The following NCLN variants were observed in gnomAD, a reference collection of about 807,000 sequenced individuals.
NCLN encodes BOS complex subunit NCLN.
Under a neutral mutation model 69.5 loss-of-function variants are expected in NCLN, and 34 were observed. That is an observed-to-expected ratio of 0.49 (90% CI 0.37 to 0.65). The LOEUF (loss-of-function observed/expected upper bound fraction) is 0.65, where lower values mean the gene tolerates loss of function less well. NCLN is among the 30% of genes least tolerant of loss of function. The pLI, the probability that NCLN is intolerant of heterozygous loss-of-function variation, is 0.00. For missense variants in NCLN, 710 were observed against 804.8 expected (o/e 0.88, Z 1.42); for synonymous variants, 393 against 358.3 (o/e 1.10, Z -1.09).
intron 5 of NCLN, among the ~76,000 whole-genome samples, chr19:3,201,060 C>T (rs993820147): frequency 1.3e-5 from 2 of 152,212 alleles, no homozygotes; most frequent in African/African-American, 2.4e-5. Context: ...GCGGGAAGGG[C>T]ATGTGGTCGG....
intron 4 of NCLN, among the ~76,000 whole-genome samples, chr19:3,196,860 C>T (rs1352950139): frequency 6.6e-6 from 1 of 152,238 alleles, no homozygotes; most frequent in Non-Finnish European, 1.5e-5. Flanking sequence ...CTAGCATTTC[C>T]CTGCGGGACG....
chr19:3,191,344 G>A (rs1205186896), intron 1 of NCLN, among the ~76,000 whole-genome samples: 1 of 152,176 alleles, frequency 6.6e-6, no homozygotes, highest in African/African-American at 2.4e-5. Flanking sequence ...CACCGCAGAA[G>A]TGAATAAGCC....
chr19:3,192,563 C>A lies in NCLN; in HGVS notation c.278C>A (p.Ser93Tyr). The change falls in exon 2 of 15, where the codon TCC becomes TAC. Residue 93 changes from serine (S) to tyrosine (Y), a missense_variant. By Grantham distance (144) the Ser-to-Tyr change is moderately radical (BLOSUM62 -2). Transcript: ENST00000246117. Reference protein sequence around the residue: ...RCVLMRLLDFSYEQYQKALRQ... With the variant: ...RCVLMRLLDFYYEQYQKALRQ... ...GTGCTCATGCGGCTACTGGACTTCT[C>A]CTACGAGCAGTACCAGAAGGCCCTG... 6.2e-7 allele frequency: 1 copy of A among 1,610,202 alleles called. No homozygotes were observed. Among genetic ancestry groups the A allele is most frequent in the Non-Finnish European group, 8.5e-7 (1 of 1,178,720 alleles).
rs1916250854 is a variant in NCLN at position 3,205,833 on chromosome 19, C to T, written c.1209-106C>T. 9 of 911,746 alleles carry T rather than the reference C, an allele frequency of 9.9e-6. No individual in the cohort carries two copies. Among genetic ancestry groups the T allele is most frequent in the Admixed American group, 2.3e-5 (1 of 43,828 alleles). 56.5% of individuals were successfully genotyped at this position (911,746 alleles called of 1,614,324 possible). On this transcript the variant is annotated intron_variant, in intron 9 of 14. Coordinates refer to ENST00000246117, the MANE Select transcript of NCLN (RefSeq NM_020170.4). This position sits in a 1 kb window ranked among gnomAD's most constrained non-coding sequence, Gnocchi z 4.6. ...CTTAATTTTTTTTTTTTTTTAAAGACAGAGTCTCACGGTCTCCTAGGCTGG... is the reference window on the plus strand; with the variant it reads ...CTTAATTTTTTTTTTTTTTTAAAGATAGAGTCTCACGGTCTCCTAGGCTGG...
Position 3,198,671 on chromosome 19 carries a change from A to G in NCLN, c.616-146A>G, listed in dbSNP as rs1195053838. Reference sequence around the variant, plus strand: ...GGGGCTCCCAGAGTCAGAGGCTGGCACCTCCTGTGGTCCTCAGTGCTGAGG... The same window carrying G: ...GGGGCTCCCAGAGTCAGAGGCTGGCGCCTCCTGTGGTCCTCAGTGCTGAGG... On this transcript the variant is annotated intron_variant, in intron 4 of 14. Transcript: ENST00000246117. 10 of 518,456 alleles carry G rather than the reference A, an allele frequency of 1.9e-5. No individual in the cohort carries two copies. In the East Asian group the frequency reaches 3.0e-4, roughly 16 times the overall value. 32.1% of individuals were successfully genotyped at this position (518,456 alleles called of 1,614,324 possible). A position where few individuals can be genotyped will look rare whatever the true frequency, so the allele number is the denominator to read the frequency against.
chr19:3,200,455 C>A (rs1439768513), intron 5 of NCLN, among the ~76,000 whole-genome samples: 2 of 151,498 alleles, frequency 1.3e-5, no homozygotes, highest in Non-Finnish European at 2.9e-5. Flanking sequence ...GGACTACAGG[C>A]GCGTGCCACC....
At chr19:3,192,059 G>A (rs1276611758) in intron 1 of NCLN, among the ~76,000 whole-genome samples, 1 of 152,194 alleles carries the variant, frequency 6.6e-6, no homozygotes, top group South Asian at 2.1e-4. Context: ...ATGGTGGTGG[G>A]TGCCGGTAAT....
Position 3,204,770 on chromosome 19 carries a change from GC to G in NCLN, c.1208+22del. On this transcript the variant is annotated intron_variant, in intron 9 of 14. Transcript: ENST00000246117. ...ACGTGCGGTGAGCGCGGCAGCACCT[GC>G]CCGGCCCCTCCTAGGGCTTTCCTGG... 1.4e-6 allele frequency: 2 copies of G among 1,451,380 alleles called. No homozygotes were observed. Among genetic ancestry groups the G allele is most frequent in the Non-Finnish European group, 1.8e-6 (2 of 1,102,178 alleles). 89.9% of individuals were successfully genotyped at this position (1,451,380 alleles called of 1,614,324 possible). A position where few individuals can be genotyped will look rare whatever the true frequency, so the allele number is the denominator to read the frequency against.
intron 5 of NCLN, among the ~76,000 whole-genome samples, chr19:3,200,446 G>A (rs1916097120): frequency 6.6e-6 from 1 of 151,236 alleles, no homozygotes; most frequent in Admixed American, 6.6e-5. Context: ...GAGTAGCTGG[G>A]ACTACAGGCG....
At chr19:3,199,119 G>C (rs1378670576) in intron 5 of NCLN, among the ~76,000 whole-genome samples, 5 of 152,202 alleles carry the variant, frequency 3.3e-5, no homozygotes, top group Non-Finnish European at 5.9e-5. Context: ...TCCAGGGCAC[G>C]GCGGTGTCTG....
At chr19:3,196,489 C>T (rs776320101) in intron 4 of NCLN, among the ~76,000 whole-genome samples, 29 of 152,104 alleles carry the variant, frequency 1.9e-4, no homozygotes, top group Non-Finnish European at 3.8e-4. Flanking sequence ...TGTGGAGTGC[C>T]CAGGCCCCTG....
chr19:3,195,239 C>CT (rs1048367446), intron 3 of NCLN, among the ~76,000 whole-genome samples: 14 of 150,042 alleles, frequency 9.3e-5, no homozygotes, highest in East Asian at 2.0e-4. Flanking sequence ...GTGATCATAT[C>CT]TTTTTGTTTT....
Position 3,205,757 on chromosome 19 carries a change from G to A in NCLN, c.1209-182G>A. 1.6e-6 allele frequency: 1 copy of A among 625,868 alleles called. No individual in the cohort carries two copies. Among genetic ancestry groups the A allele is most frequent in the Non-Finnish European group, 2.8e-6 (1 of 360,896 alleles). The allele number at this position is 625,868 out of a possible 1,614,324, so 38.8% of individuals were successfully genotyped here. ...TCAGGGCAAGGGGCCTGGAGGTGTGGGGCCCCCAGTGAATCTGCATCTACA... is the reference window on the plus strand; with the variant it reads ...TCAGGGCAAGGGGCCTGGAGGTGTGAGGCCCCCAGTGAATCTGCATCTACA... On this transcript the variant is annotated intron_variant, in intron 9 of 14. Transcript: ENST00000246117. The surrounding 1 kb of genome is among the most constrained non-coding windows in gnomAD (Gnocchi z 4.6).
At chr19:3,200,134 C>T (rs2144910631) in intron 5 of NCLN, among the ~76,000 whole-genome samples, 1 of 152,104 alleles carries the variant, frequency 6.6e-6, no homozygotes, top group South Asian at 2.1e-4. Flanking sequence ...CCGCTGGGCC[C>T]ACACAAACTC....
chr19:3,205,770 A>C lies in NCLN; in HGVS notation c.1209-169A>C. ...CCTGGAGGTGTGGGGCCCCCAGTGA[A>C]TCTGCATCTACATGTTAGCCAAGTA... On this transcript the variant is annotated intron_variant, in intron 9 of 14. Coordinates refer to ENST00000246117, the MANE Select transcript of NCLN (RefSeq NM_020170.4). The surrounding 1 kb of genome is among the most constrained non-coding windows in gnomAD (Gnocchi z 4.6). The C allele has an allele frequency of 9.2e-6, 6 of 649,006 alleles. No homozygotes were observed. The highest frequency in any genetic ancestry group is 1.9e-5 in the South Asian group (1 of 51,634). The allele number at this position is 649,006 out of a possible 1,614,324, so 40.2% of individuals were successfully genotyped here. A position where few individuals can be genotyped will look rare whatever the true frequency, so the allele number is the denominator to read the frequency against.
Position 3,198,854 on chromosome 19 carries a change from CCAT to C in NCLN, c.655_657del (p.Ile219del). The stretch of plus-strand genomic sequence containing the variant: ...GGGCTGGGCGGAGAGGACCTTCCCA[CCAT>C]CGTCATCGTGGCCCACTACGACGCC... On this transcript the variant is annotated inframe_deletion, in exon 5 of 15. Transcript: ENST00000246117. The C allele has an allele frequency of 6.4e-7, 1 of 1,569,238 alleles. No individual in the cohort carries two copies. Among genetic ancestry groups the C allele is most frequent in the Non-Finnish European group, 8.6e-7 (1 of 1,158,116 alleles).
In NCLN at chr19:3,193,301, G is replaced by T; in HGVS notation, c.393G>T (p.Glu131Asp). The T allele has an allele frequency of 6.2e-7, 1 of 1,612,426 alleles. No individual in the cohort carries two copies. The change falls in exon 3 of 15, where the codon GAG becomes GAT. Residue 131 changes from glutamate (E) to aspartate (D), a missense_variant. Physicochemically the swap from Glu to Asp is conservative, Grantham distance 45. Transcript: ENST00000246117. Reference sequence around the variant, plus strand: ...CTCCACAGCAATTCATGGAGATCGAGCCGGAGATGCTGGCCATGGAGACCG... The same window carrying T: ...CTCCACAGCAATTCATGGAGATCGATCCGGAGATGCTGGCCATGGAGACCG... ...QDVVRQFMEI[E>D]PEMLAMETAV...
chr19:3,193,017 C>T (rs1599350435), intron 2 of NCLN, among the ~76,000 whole-genome samples: 1 of 137,014 alleles, frequency 7.3e-6, no homozygotes, highest in East Asian at 2.2e-4. Flanking sequence ...TAGAATCCAG[C>T]AGACGCCCTG....
At chr19:3,201,078 A>G (rs746017958) in intron 5 of NCLN, among the ~76,000 whole-genome samples, 1 of 152,214 alleles carries the variant, frequency 6.6e-6, no homozygotes, top group African/African-American at 2.4e-5. Flanking sequence ...CGGGCTGTGC[A>G]GGTCTCTCCA....
Sources: gnomAD v4.1 joint callset for allele counts (sites outside exome capture counted in the v4.1 genomes callset) on GRCh38, gnomAD v4.1.1 for gene constraint, Gnocchi (gnomAD v3.1) non-coding constraint, MANE v1.5 for transcripts, NCBI Gene and HGNC (gene_info 2026-07-23, HGNC 2026-07-21) for gene names.